PECR: variants seen among roughly 807,000 people sequenced by gnomAD.
PECR encodes the protein peroxisomal trans-2-enoyl-CoA reductase, also known as 2,4-dienoyl-CoA reductase-related protein.
In PECR, 30 loss-of-function variants were observed where a neutral mutation model predicts 35.3. The observed-to-expected ratio is 0.85, with a 90% CI of 0.64 to 1.15. The LOEUF (loss-of-function observed/expected upper bound fraction) is 1.15. PECR is among the 50% of genes most tolerant of loss of function. PECR has a pLI of 0.00. For synonymous variants in PECR, 148 were observed against 138.9 expected (o/e 1.07, Z -0.46); for missense variants, 392 against 370.8 (o/e 1.06, Z -0.47).
In PECR at chr2:216,031,430, AAAGAAAGAAAGAAAAAG is replaced by A. The variant is rs1272408195; in HGVS notation, c.*440+7744_*440+7760del. Among the ~76,000 whole-genome samples the A allele has an allele frequency of 5.3e-4, 12 of 22,570 alleles. No individual in the cohort carries two copies. In the Admixed American group the frequency reaches 7.5e-3, roughly 14 times the overall value. 14.8% of individuals were successfully genotyped at this position (22,570 alleles called of 152,430 possible). On this transcript the variant is annotated intron_variant and NMD_transcript_variant, in intron 7 of 7. Transcript: ENST00000442122. ...AAAGGAAGAAAGGAAGAAAGAAAGA[AAAGAAAGAAAGAAAAAG>A]AAAGAAAGAGAGAAAGAAAGAAAGA...
intron 3 of PECR, among the ~76,000 whole-genome samples, chr2:216,063,089 T>C (rs914850673): frequency 6.6e-6 from 1 of 152,212 alleles, no homozygotes; most frequent in Non-Finnish European, 1.5e-5. Context: ...TATGCACACA[T>C]AAATACATAC....
At position 216,039,191 on chromosome 2, in the gene PECR, C is replaced by T. The variant is rs1449941937; in HGVS notation, c.*84G>A. On this transcript the variant is annotated 3_prime_UTR_variant, in exon 8 of 8. Coordinates refer to ENST00000265322, the MANE Select transcript of PECR (RefSeq NM_018441.6). ...AAAATAAGAAAAATGTTTTCCATAC[C>T]AACTATAAGCTTTTAAAAAGTACAG... is the stretch of plus-strand genomic sequence containing the variant. The T allele has an allele frequency of 4.5e-5, 36 of 797,804 alleles. No homozygotes were observed. In the Admixed American group the frequency reaches 6.3e-4, roughly 14 times the overall value. 49.4% of individuals were successfully genotyped at this position (797,804 alleles called of 1,614,324 possible).
chr2:216,056,981 T>C (rs1345720646), intron 4 of PECR, among the ~76,000 whole-genome samples: 1 of 152,128 alleles, frequency 6.6e-6, no homozygotes, highest in East Asian at 1.9e-4. Context: ...CTGTGTTTTT[T>C]TTCTAGCCAA....
At chr2:216,037,505 T>C (rs1694814453), downstream of PECR, among the ~76,000 whole-genome samples, 2 of 152,208 alleles carry the variant, frequency 1.3e-5, no homozygotes, top group South Asian at 4.1e-4. Flanking sequence ...GTTGTTATGA[T>C]ATTATCAGTT....
chr2:216,036,791 C>T (rs1005995755), downstream of PECR, among the ~76,000 whole-genome samples: 1 of 152,182 alleles, frequency 6.6e-6, no homozygotes, highest in Non-Finnish European at 1.5e-5. Flanking sequence ...TCATGCAAAT[C>T]TCATTATGTC....
At position 216,039,343 on chromosome 2, in the gene PECR, T is replaced by C; in HGVS notation, c.844A>G (p.Lys282Glu). Residue 282 changes from lysine to glutamate, a missense_variant, in exon 8 of 8, where the codon AAG becomes GAG. Transcript: ENST00000265322. The part of the protein sequence containing the change: ...YEVPDHDNWP[K>E]GAGDLSVVKK... ...ACAACAGAAAGGTCCCCTGCTCCCT[T>C]GGGCCAGTTGTCATGATCTGTTAAA... is the stretch of plus-strand genomic sequence containing the variant. 6.2e-7 allele frequency: 1 copy of C among 1,603,906 alleles called. No homozygotes were observed.
intron 7 of PECR, among the ~76,000 whole-genome samples, chr2:216,032,359 G>GATATAATTTCCCCACTC (rs1443559062): frequency 5.3e-5 from 8 of 152,236 alleles, no homozygotes; most frequent in African/African-American, 1.7e-4. Flanking sequence ...TTACCAACTG[G>GATATAATTTCCCCACTC]ATATAATTTC....
At chr2:216,032,694 A>C (rs564890191) in intron 7 of PECR, 28 of 152,314 alleles carry the variant, frequency 1.8e-4, no homozygotes, top group African/African-American at 6.3e-4. Flanking sequence ...TCTCCCCAGT[A>C]AATTTTATAT....
intron 6 of PECR, among the ~76,000 whole-genome samples, chr2:216,047,332 C>T (rs1406559334): frequency 6.6e-6 from 1 of 151,696 alleles, no homozygotes; most frequent in Non-Finnish European, 1.5e-5. Flanking sequence ...AAGACATTCA[C>T]CAAACTGATA....
At chr2:216,072,832 G>C (rs1695614884) in intron 1 of PECR, among the ~76,000 whole-genome samples, 1 of 152,166 alleles carries the variant, frequency 6.6e-6, no homozygotes, top group South Asian at 2.1e-4. Context: ...AAACATACTA[G>C]AGCAGGTGTC....
chr2:216,075,635 T>C (rs918482055), intron 1 of PECR, among the ~76,000 whole-genome samples: 9 of 152,242 alleles, frequency 5.9e-5, no homozygotes, highest in Admixed American at 1.3e-4. Context: ...TCAACTGACC[T>C]GCTTAGAATA....
chr2:216,035,485 CTTCT>C (rs796947887), downstream of PECR, among the ~76,000 whole-genome samples: 174 of 127,874 alleles, frequency 1.4e-3, no homozygotes, highest in African/African-American at 5.4e-3. Flanking sequence ...ATGGAGGGCT[CTTCT>C]TTTTTTTTTT....
chr2:216,066,632 T>A (rs1348047467), intron 1 of PECR, 114 bp from the exon 2 acceptor site: 2 of 875,460 alleles, frequency 2.3e-6, no homozygotes, highest in Admixed American at 1.8e-5. Flanking sequence ...TCATGAGTTG[T>A]CCAAATTCCA....
intron 3 of PECR, among the ~76,000 whole-genome samples, chr2:216,061,466 T>G (rs906346836): frequency 1.3e-5 from 2 of 152,096 alleles, no homozygotes; most frequent in Non-Finnish European, 2.9e-5. Flanking sequence ...ACAGAAAGGT[T>G]TGGTGGTCAG....
chr2:216,043,892 T>TCA lies in PECR; in HGVS notation c.826+10_826+11dup. 1 of 1,394,482 alleles carries TCA rather than the reference T, an allele frequency of 7.2e-7. No individual in the cohort carries two copies. Among genetic ancestry groups the TCA allele is most frequent in the African/African-American group, 1.4e-5 (1 of 71,326 alleles). 86.4% of individuals were successfully genotyped at this position (1,394,482 alleles called of 1,614,324 possible). A position where few individuals can be genotyped will look rare whatever the true frequency, so the allele number is the denominator to read the frequency against. The stretch of plus-strand genomic sequence containing the variant: ...CATAAAGCTGGTGACTGCTCATTCC[T>TCA]CAGCTGCTCACCTGGTACCTCATAC... On this transcript the variant is annotated intron_variant, in intron 7 of 7. Transcript: ENST00000265322.
intron 7 of PECR, among the ~76,000 whole-genome samples, chr2:216,043,408 C>A (rs1035564691): frequency 6.6e-6 from 1 of 152,076 alleles, no homozygotes; most frequent in East Asian, 1.9e-4. Flanking sequence ...CCATACCCGG[C>A]CAAATTTCTG....
chr2:216,053,796 A>T (rs1024419248), intron 4 of PECR, among the ~76,000 whole-genome samples: 1 of 152,162 alleles, frequency 6.6e-6, no homozygotes, highest in South Asian at 2.1e-4. Flanking sequence ...ATTGCCTCTT[A>T]AAAATGCAAT....
At chr2:216,064,509 T>TA (rs1695423376) in intron 3 of PECR, among the ~76,000 whole-genome samples, 2 of 152,156 alleles carry the variant, frequency 1.3e-5, no homozygotes, top group African/African-American at 4.8e-5. Context: ...AGTGGAGCAA[T>TA]AAGAAGGATC....
chr2:216,056,230 C>A (rs1448402164), intron 4 of PECR, among the ~76,000 whole-genome samples: 1 of 152,048 alleles, frequency 6.6e-6, no homozygotes, highest in East Asian at 1.9e-4. Flanking sequence ...TTCAATTTGT[C>A]TCTTAAGAGA....
Sources: gnomAD v4.1 joint callset for allele counts (sites outside exome capture counted in the v4.1 genomes callset) on GRCh38, gnomAD v4.1.1 for gene constraint, MANE v1.5 for transcripts, NCBI Gene and HGNC (gene_info 2026-07-23, HGNC 2026-07-21) for gene names.